Variants in SPOCK1 observed in about 807,000 individuals in gnomAD.
SPOCK1 encodes the protein SPARC (osteonectin), cwcv and kazal like domains proteoglycan 1, also known as testican-1.
Under a neutral mutation model 55.3 loss-of-function variants are expected in SPOCK1, and 23 were observed. The observed-to-expected ratio is 0.42, with a 90% CI of 0.30 to 0.59. The LOEUF (loss-of-function observed/expected upper bound fraction) is 0.59. Among genes scored for constraint, SPOCK1 ranks in the 20% least tolerant of loss-of-function variants. The pLI is 0.22. For missense variants in SPOCK1, 499 were observed against 552.5 expected, an observed-to-expected ratio of 0.90 and a Z score of 0.97; for synonymous variants, 226 against 221.0, an observed-to-expected ratio of 1.02 and a Z score of -0.20.
At chr5:137,237,890 C>G (rs543648095) in intron 3 of SPOCK1, among the ~76,000 whole-genome samples, 1 of 152,308 alleles carries the variant, frequency 6.6e-6, no homozygotes, top group South Asian at 2.1e-4. Flanking sequence ...GGGGGCTACA[C>G]TTGAAGGCAC....
chr5:137,329,272 T>C (rs1249801769), intron 2 of SPOCK1, among the ~76,000 whole-genome samples: 1 of 152,106 alleles, frequency 6.6e-6, no homozygotes, highest in East Asian at 1.9e-4. Flanking sequence ...TACCAAATCT[T>C]AGACTGGGAT....
chr5:137,180,178 C>T lies in SPOCK1; in HGVS notation c.233-39484G>A, dbSNP rs1185949451. The stretch of plus-strand genomic sequence containing the variant: ...GCCTCCTAATCATCTCTGTACCTAC[C>T]TGCACGGCATGGCTGGCCAGGAGCA... On this transcript the variant is annotated intron_variant, in intron 3 of 10. Coordinates refer to ENST00000394945, the MANE Select transcript of SPOCK1 (RefSeq NM_004598.4). 2.0e-5 allele frequency among the ~76,000 whole-genome samples: 3 copies of T among 152,330 alleles called. No homozygotes were observed. In the East Asian group the frequency reaches 5.8e-4, roughly 29 times the overall value.
intron 3 of SPOCK1, among the ~76,000 whole-genome samples, chr5:137,149,377 C>G (rs1467439816): frequency 6.6e-6 from 1 of 152,002 alleles, no homozygotes; most frequent in Non-Finnish European, 1.5e-5. Flanking sequence ...TATTAAAATG[C>G]TATAATAGTA....
At chr5:137,481,760 T>C (rs17727949) in intron 2 of SPOCK1, among the ~76,000 whole-genome samples, 1,936 of 152,290 alleles carry the variant, frequency 0.013, 16 homozygotes, top group Middle Eastern at 0.065. Context: ...AAGGATGGCG[T>C]CCTGCCAAGC....
intron 2 of SPOCK1, among the ~76,000 whole-genome samples, chr5:137,426,334 A>T (rs529659341): frequency 6.6e-6 from 1 of 152,224 alleles, no homozygotes; most frequent in Non-Finnish European, 1.5e-5. Context: ...TTACTCCCCA[A>T]TGCAGAGGGA....
intron 5 of SPOCK1, among the ~76,000 whole-genome samples, chr5:137,083,163 T>G (rs1334034033): frequency 6.6e-6 from 1 of 152,220 alleles, no homozygotes; most frequent in Non-Finnish European, 1.5e-5. Flanking sequence ...GCAGTCACAT[T>G]GTGGCGCCCT....
chr5:136,982,608 T>A (rs1413022958), intron 9 of SPOCK1, among the ~76,000 whole-genome samples: 2 of 139,716 alleles, frequency 1.4e-5, no homozygotes, highest in Admixed American at 6.9e-5. Flanking sequence ...TCTATACAGA[T>A]TTTTTTTTTC....
At chr5:137,157,483 T>C (rs1462246883) in intron 3 of SPOCK1, among the ~76,000 whole-genome samples, 2 of 152,214 alleles carry the variant, frequency 1.3e-5, no homozygotes, top group African/African-American at 4.8e-5. Flanking sequence ...GTCTTAAGTG[T>C]GCCGTCTAAA....
chr5:137,356,875 A>T (rs1476071819), intron 2 of SPOCK1, among the ~76,000 whole-genome samples: 11 of 127,718 alleles, frequency 8.6e-5, no homozygotes, highest in African/African-American at 2.7e-4. Context: ...AGAGAGAGAG[A>T]GTATGCAGAC....
chr5:137,078,299 C>A lies in SPOCK1; in HGVS notation c.475-10470G>T, dbSNP rs568446822. 4.6e-5 allele frequency among the ~76,000 whole-genome samples: 7 copies of A among 152,294 alleles called. No individual in the cohort carries two copies. In the South Asian group the frequency reaches 1.5e-3, roughly 32 times the overall value. On this transcript the variant is annotated intron_variant, in intron 5 of 10. Coordinates refer to ENST00000394945, the MANE Select transcript of SPOCK1 (RefSeq NM_004598.4). Reference sequence around the variant, plus strand: ...TAAAATGTCTCTGCAGCTATAAATGCCCTCGAGATGCCTGTCTCTCCAGCT... The same window carrying A: ...TAAAATGTCTCTGCAGCTATAAATGACCTCGAGATGCCTGTCTCTCCAGCT...
chr5:137,146,819 G>A (rs998416641), intron 3 of SPOCK1, among the ~76,000 whole-genome samples: 5 of 152,128 alleles, frequency 3.3e-5, no homozygotes, highest in Non-Finnish European at 7.3e-5. Flanking sequence ...CAAGTTCTCC[G>A]AGGCCAAACA....
intron 3 of SPOCK1, among the ~76,000 whole-genome samples, chr5:137,234,207 G>A (rs952400699): frequency 7.2e-5 from 11 of 152,172 alleles, no homozygotes. Context: ...AGACACTGTG[G>A]CCTCTCTCAG....
chr5:137,335,656 C>G lies in SPOCK1; in HGVS notation c.187-68601G>C, dbSNP rs543219465. ...GGGATCTGAAAGATTTAAGGCCTCC[C>G]TCTTCAAGTAAGCACACCTCCCTCC... On this transcript the variant is annotated intron_variant, in intron 2 of 10. Coordinates refer to ENST00000394945, the MANE Select transcript of SPOCK1 (RefSeq NM_004598.4). 7.2e-5 allele frequency among the ~76,000 whole-genome samples: 11 copies of G among 152,332 alleles called. No individual in the cohort carries two copies. The South Asian group carries it at 2.3e-3, about 32-fold the overall frequency.
At chr5:137,347,149 T>C (rs1456302678) in intron 2 of SPOCK1, among the ~76,000 whole-genome samples, 1 of 152,166 alleles carries the variant, frequency 6.6e-6, no homozygotes, top group African/African-American at 2.4e-5. Context: ...GTAGCTGAAG[T>C]GATTTTTCTT....
intron 5 of SPOCK1, among the ~76,000 whole-genome samples, chr5:137,074,400 G>T (rs1752685629): frequency 6.6e-6 from 1 of 152,342 alleles, no homozygotes; most frequent in Non-Finnish European, 1.5e-5. Flanking sequence ...TTTCTTAGGG[G>T]TGAGGTGTCA....
chr5:137,178,016 C>A (rs1347662326), intron 3 of SPOCK1, among the ~76,000 whole-genome samples: 2 of 152,152 alleles, frequency 1.3e-5, no homozygotes, highest in Non-Finnish European at 2.9e-5. Flanking sequence ...CGGCTTCCTT[C>A]AGGAAATCTC....
intron 2 of SPOCK1, among the ~76,000 whole-genome samples, chr5:137,321,057 A>C (rs1326225945): frequency 6.6e-6 from 1 of 152,224 alleles, no homozygotes; most frequent in African/African-American, 2.4e-5. Flanking sequence ...TAACCAAAGA[A>C]ATTTGTGACC....
At chr5:137,274,095 A>G (rs1757018675) in intron 2 of SPOCK1, among the ~76,000 whole-genome samples, 1 of 152,152 alleles carries the variant, frequency 6.6e-6, no homozygotes, top group Non-Finnish European at 1.5e-5. Context: ...TCTGAGGTTT[A>G]TTCCCCAAAA....
intron 3 of SPOCK1, among the ~76,000 whole-genome samples, chr5:137,170,733 C>G (rs575688125): frequency 6.6e-6 from 1 of 152,300 alleles, no homozygotes; most frequent in Admixed American, 6.5e-5. Context: ...GATCTCAAGA[C>G]TTTCAGCCTC....
Sources: allele counts gnomAD v4.1 joint callset (sites outside exome capture counted in the v4.1 genomes callset), GRCh38; gene constraint gnomAD v4.1.1; transcripts MANE v1.5; gene names NCBI Gene and HGNC (gene_info 2026-07-23, HGNC 2026-07-21).